The following ZDHHC2 variants were observed in gnomAD, a reference collection of about 807,000 sequenced individuals.
The protein encoded by ZDHHC2 is zDHHC palmitoyltransferase 2.
A neutral mutation model predicts 55.6 loss-of-function variants in ZDHHC2; 51 were observed. The ratio of observed to expected loss-of-function variants is 0.92; its 90% confidence interval spans 0.73 to 1.16. The LOEUF (loss-of-function observed/expected upper bound fraction) is 1.16. Ranked by LOEUF, ZDHHC2 falls within the 50% of genes most tolerant of loss-of-function variation. The pLI is 0.00. For synonymous variants in ZDHHC2, 199 were observed against 152.9 expected (o/e 1.30, Z -2.22); for missense variants, 491 against 442.4 (o/e 1.11, Z -0.99).
At chr8:17,189,751 GA>G (rs1187022083) in intron 3 of ZDHHC2, among the ~76,000 whole-genome samples, 1 of 152,218 alleles carries the variant, frequency 6.6e-6, no homozygotes, top group Non-Finnish European at 1.5e-5. Context: ...ACACAGCATT[GA>G]AGGAGCAGTC....
At chr8:17,190,933 T>C in intron 3 of ZDHHC2, among the ~76,000 whole-genome samples, 1 of 144,844 alleles carries the variant, frequency 6.9e-6, no homozygotes, top group Non-Finnish European at 1.5e-5. Flanking sequence ...TGCTGTCAAA[T>C]ACTAGGTCTT....
rs1563161719 is a variant in ZDHHC2, at chr8:17,199,615, C to CTTCCT, written c.476+1205_476+1206insCTTTC. ...TTCTTCTTCTTTATTCTTTCTTCTT[C>CTTCCT]TTCTTCTTCCTTTCTTCTTCTTCTC... On this transcript the variant is annotated intron_variant, in intron 6 of 12. Transcript: ENST00000262096. 1.9e-3 allele frequency among the ~76,000 whole-genome samples: 98 copies of CTTCCT among 50,812 alleles called. 3 individuals carry two copies. The highest frequency in any genetic ancestry group is 3.2e-3 in the Non-Finnish European group (39 of 12,334). 33.3% of individuals were successfully genotyped at this position (50,812 alleles called of 152,430 possible). A position where few individuals can be genotyped will look rare whatever the true frequency, so the allele number is the denominator to read the frequency against.
chr8:17,203,219 C>G (rs989695921), intron 6 of ZDHHC2, among the ~76,000 whole-genome samples: 6 of 151,868 alleles, frequency 4.0e-5, no homozygotes, highest in Non-Finnish European at 4.4e-5. Context: ...ACCACCATGC[C>G]AAGATAATTT....
intron 1 of ZDHHC2, among the ~76,000 whole-genome samples, chr8:17,158,947 A>G (rs1339758450): frequency 6.6e-6 from 1 of 152,206 alleles, no homozygotes; most frequent in Admixed American, 6.5e-5. Context: ...TTATATTTTT[A>G]TTGCTGTAGA....
At position 17,195,959 on chromosome 8, in the gene ZDHHC2, TATTTA is replaced by T. The variant is rs1349985663; in HGVS notation, c.373+342_373+346del. Among the ~76,000 whole-genome samples the T allele has an allele frequency of 3.3e-5, 5 of 152,336 alleles. No individual in the cohort carries two copies. In the East Asian group the frequency reaches 7.7e-4, roughly 23 times the overall value. ...TTTTAATTGTAGACTTTCCTATTTA[TATTTA>T]ATTTAAGGCAGCAGTATCTGTAATG... On this transcript the variant is annotated intron_variant, in intron 4 of 12. Transcript: ENST00000262096.
chr8:17,208,290 A>G (rs377512308), intron 8 of ZDHHC2, among the ~76,000 whole-genome samples, 198 bp downstream of exon 8: 1 of 149,852 alleles, frequency 6.7e-6, no homozygotes, highest in South Asian at 2.1e-4. Context: ...TGTCTCATAT[A>G]TATGTATATA....
chr8:17,208,102 C>T lies in ZDHHC2; in HGVS notation c.730+10C>T, dbSNP rs79366093. On this transcript the variant is annotated intron_variant, in intron 8 of 12. Coordinates refer to ENST00000262096, the MANE Select transcript of ZDHHC2 (RefSeq NM_016353.5). ...AATAAATCTACATTAGGTGAGTATC[C>T]AATTATTGTAGTTGACAGAACTTTA... 619 of 1,548,742 alleles carry T rather than the reference C, an allele frequency of 4.0e-4. 2 individuals carry two copies. The East Asian group carries it at 0.013, about 33-fold the overall frequency.
intron 3 of ZDHHC2, among the ~76,000 whole-genome samples, chr8:17,189,458 A>T (rs1010126720): frequency 6.6e-6 from 1 of 152,224 alleles, no homozygotes; most frequent in Non-Finnish European, 1.5e-5. Flanking sequence ...TCACTGCTTC[A>T]TCACCAGTGC....
intron 6 of ZDHHC2, among the ~76,000 whole-genome samples, chr8:17,203,063 C>CTTTTTTT (rs10673416): frequency 3.9e-5 from 5 of 126,822 alleles, no homozygotes; most frequent in Non-Finnish European, 4.7e-5. Flanking sequence ...TGTCCAAAGT[C>CTTTTTTT]TTTTTTTTTT....
chr8:17,220,047 A>G (rs1448553083), intron 12 of ZDHHC2, among the ~76,000 whole-genome samples: 1 of 151,008 alleles, frequency 6.6e-6, no homozygotes, highest in Non-Finnish European at 1.5e-5. Flanking sequence ...TTTTTTTTGC[A>G]TTTTAATAGG....
Position 17,175,826 on chromosome 8 carries a change from A to G in ZDHHC2, c.131-8963A>G, listed in dbSNP as rs1303608915. On this transcript the variant is annotated intron_variant, in intron 1 of 12. Transcript: ENST00000262096. Reference sequence around the variant, plus strand: ...TTGCCATAGTGTCTGACTAGACAGGAAAAGCTGGTATTTAAACTGCACCCT... The same window carrying G: ...TTGCCATAGTGTCTGACTAGACAGGGAAAGCTGGTATTTAAACTGCACCCT... Among the ~76,000 whole-genome samples, 3 of 152,244 alleles carry G rather than the reference A, an allele frequency of 2.0e-5. No homozygotes were observed. In the South Asian group the frequency reaches 6.2e-4, roughly 31 times the overall value.
chr8:17,186,174 G>T (rs1012180426), intron 2 of ZDHHC2, among the ~76,000 whole-genome samples, 157 bp from the exon 3 acceptor site: 2 of 152,148 alleles, frequency 1.3e-5, no homozygotes, highest in African/African-American at 4.8e-5. Flanking sequence ...AAATAAATTC[G>T]TTGAGTTGTG....
intron 1 of ZDHHC2, among the ~76,000 whole-genome samples, chr8:17,166,950 A>G (rs1804631155): frequency 6.6e-6 from 1 of 152,200 alleles, no homozygotes; most frequent in Admixed American, 6.5e-5. Context: ...ATCTGAATTA[A>G]TTCAATCCAA....
At chr8:17,174,268 A>G (rs1805013729) in intron 1 of ZDHHC2, among the ~76,000 whole-genome samples, 1 of 152,030 alleles carries the variant, frequency 6.6e-6, no homozygotes, top group South Asian at 2.1e-4. Context: ...TATAATTTAA[A>G]AAAAATTTTT....
At chr8:17,210,188 A>G in intron 9 of ZDHHC2, 130 bp downstream of exon 9, 8 of 1,174,246 alleles carry the variant, frequency 6.8e-6, no homozygotes, top group Non-Finnish European at 9.4e-6. Flanking sequence ...AAAAAATATT[A>G]TTCTATGATT....
chr8:17,170,596 A>G (rs2150887860), intron 1 of ZDHHC2, among the ~76,000 whole-genome samples: 1 of 152,310 alleles, frequency 6.6e-6, no homozygotes, highest in East Asian at 1.9e-4. Context: ...ATGGTTTTAG[A>G]ACGTTGCCTG....
chr8:17,179,434 G>A (rs907033136), intron 1 of ZDHHC2, among the ~76,000 whole-genome samples: 4 of 152,132 alleles, frequency 2.6e-5, no homozygotes, highest in Non-Finnish European at 2.9e-5. Flanking sequence ...TAAGAAACAG[G>A]GTCTCACTCT....
chr8:17,223,032 T>C lies in ZDHHC2; in HGVS notation c.*2811T>C, dbSNP rs991225877. The stretch of plus-strand genomic sequence containing the variant: ...CACTTAACTAGGGAAATCAAAGATA[T>C]AAATCATGTTTATAAAAAATTAGGC... On this transcript the variant is annotated 3_prime_UTR_variant, in exon 13 of 13. Transcript: ENST00000262096. 1 of 151,934 alleles carries C rather than the reference T, an allele frequency of 6.6e-6. No individual in the cohort carries two copies. Among genetic ancestry groups the C allele is most frequent in the East Asian group, 1.9e-4 (1 of 5,200 alleles). 9.4% of individuals were successfully genotyped at this position (151,934 alleles called of 1,614,324 possible). A position where few individuals can be genotyped will look rare whatever the true frequency, so the allele number is the denominator to read the frequency against.
At chr8:17,165,340 G>T (rs79252027) in intron 1 of ZDHHC2, among the ~76,000 whole-genome samples, 57 of 152,308 alleles carry the variant, frequency 3.7e-4, no homozygotes, top group African/African-American at 1.3e-3. Context: ...GGCATCTTCA[G>T]AGAGGTCAGT....
Sources: gnomAD v4.1 joint callset for allele counts (sites outside exome capture counted in the v4.1 genomes callset) on GRCh38, gnomAD v4.1.1 for gene constraint, MANE v1.5 for transcripts, NCBI Gene and HGNC (gene_info 2026-07-23, HGNC 2026-07-21) for gene names.